FBXL7: variants seen among roughly 807,000 people sequenced by gnomAD.
The protein encoded by FBXL7 is F-box/LRR-repeat protein 7.
A neutral mutation model predicts 38.3 loss-of-function variants in FBXL7; 12 were observed. That is an observed-to-expected ratio of 0.31 (90% CI 0.20 to 0.51). The LOEUF is 0.51. Ranked by LOEUF, FBXL7 falls within the 20% of genes least tolerant of loss-of-function variation. The pLI is 0.98. For missense variants in FBXL7, 567 were observed against 676.4 expected (o/e 0.84, Z 1.79); for synonymous variants, 297 against 300.9 (o/e 0.99, Z 0.13).
At chr5:15,633,768 ATTATTATTATT>A (rs1298364168) in intron 2 of FBXL7, among the ~76,000 whole-genome samples, 7 of 146,740 alleles carry the variant, frequency 4.8e-5, no homozygotes, top group African/African-American at 1.2e-4. Context: ...TATTATTATT[ATTATTATTATT>A]TTATTATTTT....
rs201465254 is a variant in FBXL7 at position 15,678,858 on chromosome 5, A to G, written c.127+62786A>G. The stretch of plus-strand genomic sequence containing the variant: ...GGGAGTCCATTAAATCTCTTTCTCT[A>G]TATAAATTATCCAGTCTCAGATGTG... On this transcript the variant is annotated intron_variant, in intron 2 of 3. Coordinates refer to ENST00000504595, the MANE Select transcript of FBXL7 (RefSeq NM_012304.5). Among the ~76,000 whole-genome samples the G allele has an allele frequency of 3.9e-5, 6 of 152,260 alleles. 2 individuals are homozygous for G. The highest frequency in any genetic ancestry group is 3.9e-4 in the Admixed American group (6 of 15,288).
intron 3 of FBXL7, among the ~76,000 whole-genome samples, chr5:15,929,067 C>T (rs760760538): frequency 6.6e-6 from 1 of 152,194 alleles, no homozygotes; most frequent in Admixed American, 6.5e-5. Context: ...CTGTTGGTCC[C>T]TGGAGCCTGG....
intron 2 of FBXL7, among the ~76,000 whole-genome samples, chr5:15,893,870 C>T (rs1741010899): frequency 6.6e-6 from 1 of 152,184 alleles, no homozygotes; most frequent in Non-Finnish European, 1.5e-5. Flanking sequence ...GGTAAACACC[C>T]ATATGGAGGC....
chr5:15,883,213 T>C (rs1021204976), intron 2 of FBXL7, among the ~76,000 whole-genome samples: 4 of 152,362 alleles, frequency 2.6e-5, no homozygotes, highest in Non-Finnish European at 4.4e-5. Context: ...ATAATTGCTA[T>C]CTTGGTATAG....
intron 1 of FBXL7, among the ~76,000 whole-genome samples, chr5:15,507,946 G>A (rs528492883): frequency 6.6e-6 from 1 of 152,194 alleles, no homozygotes; most frequent in African/African-American, 2.4e-5. Flanking sequence ...AGGAGGCAGA[G>A]GCAGGAGAAT....
rs1217843454 is a variant in FBXL7, at chr5:15,759,521, T to C, written c.127+143449T>C. Among the ~76,000 whole-genome samples, 3 of 152,188 alleles carry C rather than the reference T, an allele frequency of 2.0e-5. No individual in the cohort carries two copies. In the East Asian group the frequency reaches 5.8e-4, roughly 29 times the overall value. Reference sequence around the variant, plus strand: ...AAGAAACATCCTTACTTGTACATAGTAACAAAACAATCACTCACTGAAATT... The same window carrying C: ...AAGAAACATCCTTACTTGTACATAGCAACAAAACAATCACTCACTGAAATT... On this transcript the variant is annotated intron_variant, in intron 2 of 3. Transcript: ENST00000504595.
At chr5:15,826,882 G>A (rs1738328198) in intron 2 of FBXL7, among the ~76,000 whole-genome samples, 1 of 150,712 alleles carries the variant, frequency 6.6e-6, no homozygotes, top group African/African-American at 2.4e-5. Flanking sequence ...TCCTGACATT[G>A]CACAGAACCA....
rs188169184 is a variant in FBXL7, at chr5:15,925,604, G to A, written c.128-2286G>A. Among the ~76,000 whole-genome samples the A allele has an allele frequency of 4.1e-3, 623 of 152,334 alleles. 4 individuals carry two copies. Among genetic ancestry groups the A allele is most frequent in the Non-Finnish European group, 6.6e-3 (449 of 68,026 alleles). ...AAGATGGTATGAGTGTTAATTTCCA[G>A]GGTATGAAATATGCAAAAGCATATA... On this transcript the variant is annotated intron_variant, in intron 2 of 3. Coordinates refer to ENST00000504595, the MANE Select transcript of FBXL7 (RefSeq NM_012304.5).
intron 2 of FBXL7, among the ~76,000 whole-genome samples, chr5:15,756,065 G>A (rs1163258172): frequency 6.6e-6 from 1 of 152,150 alleles, no homozygotes; most frequent in Non-Finnish European, 1.5e-5. Context: ...ATTGGTATTT[G>A]CAGCTGTACT....
intron 2 of FBXL7, among the ~76,000 whole-genome samples, chr5:15,823,466 C>T (rs1479321824): frequency 6.6e-6 from 1 of 152,100 alleles, no homozygotes; most frequent in Non-Finnish European, 1.5e-5. Context: ...GTAATTTGAC[C>T]TAATGACAAG....
At chr5:15,598,302 C>G (rs1262073999) in intron 1 of FBXL7, among the ~76,000 whole-genome samples, 1 of 152,124 alleles carries the variant, frequency 6.6e-6, no homozygotes, top group Non-Finnish European at 1.5e-5. Context: ...CATTACAATC[C>G]ATCACTCTCA....
chr5:15,837,017 C>A (rs998216861), intron 2 of FBXL7, among the ~76,000 whole-genome samples: 33 of 152,140 alleles, frequency 2.2e-4, no homozygotes, highest in Non-Finnish European at 4.4e-5. Context: ...TCGTGTCCAG[C>A]AGACAAATAT....
intron 1 of FBXL7, among the ~76,000 whole-genome samples, chr5:15,593,136 G>T (rs889896917): frequency 6.6e-6 from 1 of 152,202 alleles, no homozygotes; most frequent in East Asian, 1.9e-4. Context: ...GGGATCAGCT[G>T]GTGAATATTT....
At chr5:15,906,172 A>AT (rs373720565) in intron 2 of FBXL7, among the ~76,000 whole-genome samples, 8 of 150,698 alleles carry the variant, frequency 5.3e-5, no homozygotes, top group Non-Finnish European at 1.0e-4. Flanking sequence ...AAACCCAGGC[A>AT]TTTTTTTTTA....
intron 1 of FBXL7, among the ~76,000 whole-genome samples, chr5:15,524,200 T>A (rs1737186504): frequency 6.6e-6 from 1 of 152,214 alleles, no homozygotes; most frequent in African/African-American, 2.4e-5. Flanking sequence ...CACAGGGCTG[T>A]GACTCCCCTG....
chr5:15,824,047 G>A (rs921886472), intron 2 of FBXL7, among the ~76,000 whole-genome samples: 2 of 152,132 alleles, frequency 1.3e-5, no homozygotes, highest in African/African-American at 4.8e-5. Flanking sequence ...GGAGGCTGAG[G>A]CGGGCGGATC....
At chr5:15,842,360 C>T (rs932294153) in intron 2 of FBXL7, among the ~76,000 whole-genome samples, 3 of 152,170 alleles carry the variant, frequency 2.0e-5, no homozygotes, top group South Asian at 2.1e-4. Context: ...TTGGAAAGGG[C>T]GTATTCACCC....
intron 2 of FBXL7, among the ~76,000 whole-genome samples, chr5:15,745,494 T>G (rs1051704483): frequency 6.6e-6 from 1 of 152,190 alleles, no homozygotes; most frequent in Non-Finnish European, 1.5e-5. Context: ...TGAAATTATA[T>G]TATGGTGTTA....
chr5:15,687,523 T>C (rs1004462343), intron 2 of FBXL7, among the ~76,000 whole-genome samples: 1 of 152,206 alleles, frequency 6.6e-6, no homozygotes, highest in Non-Finnish European at 1.5e-5. Context: ...GAGAAGTGGA[T>C]AATGATCATT....
Sources: gnomAD v4.1 joint callset for allele counts (sites outside exome capture counted in the v4.1 genomes callset) on GRCh38, gnomAD v4.1.1 for gene constraint, MANE v1.5 for transcripts, NCBI Gene and HGNC (gene_info 2026-07-23, HGNC 2026-07-21) for gene names.